The following JMJD1C variants were observed in gnomAD, a reference collection of about 807,000 sequenced individuals.
The protein encoded by JMJD1C is jumonji domain containing 1C.
A neutral mutation model predicts 245.3 loss-of-function variants in JMJD1C; 31 were observed. The observed-to-expected ratio is 0.13, with a 90% CI of 0.09 to 0.17. JMJD1C has a LOEUF of 0.17. JMJD1C is among the 10% of genes least tolerant of loss of function. The probability of loss-of-function intolerance (pLI) is 1.00; values close to 1 mark genes in which losing one functional copy is unlikely to be tolerated. For synonymous variants in JMJD1C, 1,057 were observed against 1,017.4 expected (o/e 1.04, Z -0.74); for missense variants, 2,691 against 3,000.2 (o/e 0.90, Z 2.41).
chr10:63,404,694 T>A (rs906182129), intron 1 of JMJD1C, among the ~76,000 whole-genome samples: 2 of 152,162 alleles, frequency 1.3e-5, no homozygotes, highest in African/African-American at 4.8e-5. Context: ...ACAAGAAAGG[T>A]TACTGAGTAG....
At chr10:63,504,344 G>C (rs953609969) in intron 1 of JMJD1C, among the ~76,000 whole-genome samples, 2 of 152,174 alleles carry the variant, frequency 1.3e-5, no homozygotes, top group African/African-American at 4.8e-5. Context: ...AACTGCAACA[G>C]GATGACCCAG....
At chr10:63,250,223 G>C (rs556879908) in intron 3 of JMJD1C, among the ~76,000 whole-genome samples, 2 of 152,110 alleles carry the variant, frequency 1.3e-5, no homozygotes, top group South Asian at 4.1e-4. Flanking sequence ...TTGCTATGTT[G>C]CCCAGGCTAG....
At chr10:63,477,036 GAC>G (rs1953684117) in intron 1 of JMJD1C, among the ~76,000 whole-genome samples, 1 of 152,110 alleles carries the variant, frequency 6.6e-6, no homozygotes, top group African/African-American at 2.4e-5. Flanking sequence ...ATTGCTAAGA[GAC>G]ACAAACTGTA....
intron 2 of JMJD1C, among the ~76,000 whole-genome samples, chr10:63,280,968 T>A (rs958188424): frequency 3.3e-5 from 5 of 151,832 alleles, no homozygotes; most frequent in African/African-American, 1.2e-4. Flanking sequence ...TTTTCTTTTT[T>A]TTTTTTTGAG....
intron 1 of JMJD1C, among the ~76,000 whole-genome samples, chr10:63,389,021 A>G (rs1947839712): frequency 6.6e-6 from 1 of 152,170 alleles, no homozygotes; most frequent in African/African-American, 2.4e-5. Flanking sequence ...TATAAAGCAA[A>G]TATTATTAGA....
rs1338273529 is a variant in JMJD1C, at chr10:63,215,009, C to G, written c.1158G>C (p.Lys386Asn). 1 of 1,602,248 alleles carries G rather than the reference C, an allele frequency of 6.2e-7. No individual in the cohort carries two copies. The highest frequency in any genetic ancestry group is 8.5e-7 in the Non-Finnish European group (1 of 1,173,308). Reference protein sequence around the residue: ...SESSDSENSNKRIIDNSSEQK... With the variant: ...SESSDSENSNNRIIDNSSEQK... ...GTTCTGAGGAATTATCTATTATTCT[C>G]TTATTTGAATTTTCTGAGTCACTGC... is the stretch of plus-strand genomic sequence containing the variant. The change falls in exon 8 of 26, where the codon AAG becomes AAC. Residue 386 changes from lysine to asparagine, a missense_variant. By Grantham distance (94) the Lys-to-Asn change is moderately conservative. Transcript: ENST00000399262.
intron 2 of JMJD1C, among the ~76,000 whole-genome samples, chr10:63,336,102 C>CA (rs1243891416): frequency 3.3e-5 from 5 of 152,106 alleles, no homozygotes; most frequent in Admixed American, 1.3e-4. Context: ...GCCTGAGTGA[C>CA]AGAGTGAGAC....
chr10:63,519,696 T>C (rs1170922942), intron 1 of JMJD1C, among the ~76,000 whole-genome samples: 2 of 152,158 alleles, frequency 1.3e-5, no homozygotes, highest in African/African-American at 2.4e-5. Context: ...ATGAGAGTTC[T>C]GATAGGTACA....
chr10:63,408,170 G>A (rs1411783976), intron 1 of JMJD1C, among the ~76,000 whole-genome samples: 3 of 152,072 alleles, frequency 2.0e-5, no homozygotes, highest in East Asian at 1.9e-4. Context: ...ATGGGAGGCC[G>A]AGGCAGGTGG....
At position 63,438,235 on chromosome 10, in the gene JMJD1C, A is replaced by T. The variant is rs530751047; in HGVS notation, c.168+27260T>A. Among the ~76,000 whole-genome samples, 11 of 152,300 alleles carry T rather than the reference A, an allele frequency of 7.2e-5. No individual in the cohort carries two copies. In the South Asian group the frequency reaches 2.3e-3, roughly 32 times the overall value. ...CCAGTCAATTCTCATCTGAAAAAAAATGGTAACTCTATGTTTTGCAGGAGC... is the reference window on the plus strand; with the variant it reads ...CCAGTCAATTCTCATCTGAAAAAAATTGGTAACTCTATGTTTTGCAGGAGC... On this transcript the variant is annotated intron_variant, in intron 1 of 25. Coordinates refer to ENST00000399262, the MANE Select transcript of JMJD1C (RefSeq NM_032776.3).
At chr10:63,296,119 C>T (rs1859410568) in intron 2 of JMJD1C, among the ~76,000 whole-genome samples, 1 of 151,236 alleles carries the variant, frequency 6.6e-6, no homozygotes, top group African/African-American at 2.4e-5. Flanking sequence ...TCAAATGATT[C>T]TCCTGCCTCA....
intron 10 of JMJD1C, chr10:63,202,903 T>G: frequency 2.1e-6 from 2 of 974,662 alleles, no homozygotes; most frequent in Admixed American, 1.2e-4. Context: ...TTTATTACAC[T>G]AGAATAAACT....
intron 1 of JMJD1C, among the ~76,000 whole-genome samples, chr10:63,401,737 T>C (rs1444050846): frequency 1.3e-5 from 2 of 152,172 alleles, no homozygotes; most frequent in Non-Finnish European, 2.9e-5. Flanking sequence ...AAAATTCGTA[T>C]GTGGAAACCT....
At chr10:63,279,382 G>C (rs1048950368) in intron 2 of JMJD1C, among the ~76,000 whole-genome samples, 1 of 152,014 alleles carries the variant, frequency 6.6e-6, no homozygotes, top group Non-Finnish European at 1.5e-5. Context: ...ATTTTAAAAA[G>C]CTAAAATAAG....
intron 1 of JMJD1C, among the ~76,000 whole-genome samples, chr10:63,425,992 T>C (rs986963693): frequency 6.6e-6 from 1 of 152,194 alleles, no homozygotes; most frequent in Admixed American, 6.5e-5. Context: ...AAAAACAAAT[T>C]TTAAGACATT....
intron 22 of JMJD1C, among the ~76,000 whole-genome samples, 182 bp downstream of exon 22, chr10:63,183,265 T>C (rs888654044): frequency 2.6e-5 from 4 of 152,202 alleles, no homozygotes; most frequent in Non-Finnish European, 4.4e-5. Context: ...AAATTTCACT[T>C]ACATAAAAAG....
At chr10:63,470,260 T>C (rs1394702124), upstream of JMJD1C, among the ~76,000 whole-genome samples, 1 of 151,352 alleles carries the variant, frequency 6.6e-6, no homozygotes, top group Non-Finnish European at 1.5e-5. Context: ...TGATAAAACA[T>C]GTTATAGCAT....
chr10:63,360,142 T>C (rs1018693461), intron 2 of JMJD1C, among the ~76,000 whole-genome samples: 17 of 151,968 alleles, frequency 1.1e-4, no homozygotes, highest in Non-Finnish European at 2.2e-4. Flanking sequence ...AGATCCCCCA[T>C]CTCTTAAAAA....
chr10:63,380,526 G>C (rs752940763), intron 1 of JMJD1C, 44 bp from the exon 2 acceptor site: 6 of 1,495,734 alleles, frequency 4.0e-6, no homozygotes, highest in Non-Finnish European at 5.5e-6. Context: ...AAATAGAAGA[G>C]TGGTATATCT....
Sources: gnomAD v4.1 joint callset for allele counts (sites outside exome capture counted in the v4.1 genomes callset) on GRCh38, gnomAD v4.1.1 for gene constraint, MANE v1.5 for transcripts, NCBI Gene and HGNC (gene_info 2026-07-23, HGNC 2026-07-21) for gene names.